ZNF644: variants seen among roughly 807,000 people sequenced by gnomAD.
ZNF644 encodes zinc finger motif enhancer binding protein 2.
In ZNF644, 20 loss-of-function variants were observed where a neutral mutation model predicts 108.0. The observed-to-expected ratio is 0.19, with a 90% CI of 0.13 to 0.27. ZNF644 has a LOEUF of 0.27. ZNF644 is among the 10% of genes least tolerant of loss of function. ZNF644 has a pLI of 1.00. For missense variants in ZNF644, 1,338 were observed against 1,548.9 expected, an observed-to-expected ratio of 0.86 and a Z score of 2.29; for synonymous variants, 542 against 539.1, an observed-to-expected ratio of 1.01 and a Z score of -0.08.
intron 1 of ZNF644, among the ~76,000 whole-genome samples, chr1:91,003,008 A>G (rs1457991862): frequency 5.9e-5 from 9 of 152,144 alleles, no homozygotes; most frequent in East Asian, 3.9e-4. Context: ...TTAGAATGGC[A>G]ATCATTAAAA....
intron 2 of ZNF644, among the ~76,000 whole-genome samples, chr1:90,974,940 A>T (rs749777558): frequency 1.3e-5 from 2 of 152,106 alleles, no homozygotes; most frequent in Non-Finnish European, 2.9e-5. Context: ...TACATTCAAA[A>T]CTTACATTTA....
intron 4 of ZNF644, among the ~76,000 whole-genome samples, chr1:90,924,056 T>C (rs914033423): frequency 2.0e-5 from 3 of 152,146 alleles, no homozygotes; most frequent in Non-Finnish European, 2.9e-5. Flanking sequence ...GTATTCTCTA[T>C]GTAAATAAAG....
intron 4 of ZNF644, among the ~76,000 whole-genome samples, chr1:90,920,359 G>C (rs866483553): frequency 6.6e-6 from 1 of 152,024 alleles, no homozygotes; most frequent in Non-Finnish European, 1.5e-5. Context: ...TTTGTTCACA[G>C]AATGTTAATG....
chr1:90,981,849 T>C (rs903151019), intron 2 of ZNF644, among the ~76,000 whole-genome samples: 5 of 152,168 alleles, frequency 3.3e-5, no homozygotes, highest in Non-Finnish European at 7.4e-5. Context: ...AAATCACAAT[T>C]TGGCAAATTT....
chr1:90,927,717 G>A (rs926268975), intron 4 of ZNF644, among the ~76,000 whole-genome samples: 20 of 152,060 alleles, frequency 1.3e-4, no homozygotes, highest in Admixed American at 5.9e-4. Context: ...GAAATATAAA[G>A]ACCCATCTTT....
chr1:91,001,777 T>C (rs1658861326), intron 1 of ZNF644, among the ~76,000 whole-genome samples: 2 of 152,140 alleles, frequency 1.3e-5, no homozygotes, highest in African/African-American at 4.8e-5. Context: ...GATTGTATAT[T>C]TAGAAAACCT....
At chr1:91,013,732 G>T (rs1006662697) in intron 1 of ZNF644, among the ~76,000 whole-genome samples, 3 of 152,114 alleles carry the variant, frequency 2.0e-5, no homozygotes, top group Admixed American at 1.3e-4. Context: ...GTAACTTCAT[G>T]TGGCTACTGA....
intron 4 of ZNF644, among the ~76,000 whole-genome samples, chr1:90,936,311 G>A (rs1341998866): frequency 6.6e-6 from 1 of 152,096 alleles, no homozygotes; most frequent in South Asian, 2.1e-4. Context: ...CATCTCTGAA[G>A]TATACTACCC....
chr1:90,947,425 A>T (rs1244015400), intron 2 of ZNF644, among the ~76,000 whole-genome samples: 1 of 152,206 alleles, frequency 6.6e-6, no homozygotes, highest in Non-Finnish European at 1.5e-5. Flanking sequence ...TCACTATAAA[A>T]CATATCTGTT....
chr1:90,934,609 G>A (rs1204883292), intron 4 of ZNF644, among the ~76,000 whole-genome samples: 1 of 152,188 alleles, frequency 6.6e-6, no homozygotes, highest in Non-Finnish European at 1.5e-5. Flanking sequence ...AATTTTCACA[G>A]ATGAGCAGTA....
At chr1:90,980,798 G>A (rs923713480) in intron 2 of ZNF644, among the ~76,000 whole-genome samples, 4 of 152,104 alleles carry the variant, frequency 2.6e-5, no homozygotes, top group African/African-American at 9.7e-5. Context: ...GATTACTTCA[G>A]GGGAAAAGGC....
Position 90,982,317 on chromosome 1 carries a change from T to G in ZNF644, c.37A>C (p.Lys13Gln), listed in dbSNP as rs1316329439. Residue 13 changes from lysine (K) to glutamine (Q), a missense_variant, in exon 2 of 6, where the codon AAA becomes CAA. Physicochemically the swap from Lys to Gln is moderately conservative, Grantham distance 53 (BLOSUM62 1). This residue lies in a region of ZNF644 where 464 missense variants were observed against 457.9 expected (regional missense o/e 1.01). Transcript: ENST00000337393. Reference sequence around the variant, plus strand: ...AAGCAGTCTTCTACTTACCTAGATTTTGTCTTATTAACATCTTGCTGCAAG... The same window carrying G: ...AAGCAGTCTTCTACTTACCTAGATTGTGTCTTATTAACATCTTGCTGCAAG... ...SFLQQDVNKT[K>Q]SRLNVLNGLA... is the part of the protein sequence containing the mutation. The G allele has an allele frequency of 6.2e-7, 1 of 1,610,016 alleles. No individual in the cohort carries two copies. Among genetic ancestry groups the G allele is most frequent in the Non-Finnish European group, 8.5e-7 (1 of 1,178,626 alleles).
chr1:90,965,543 C>T (rs988675790), intron 2 of ZNF644, among the ~76,000 whole-genome samples: 1 of 152,074 alleles, frequency 6.6e-6, no homozygotes, highest in Admixed American at 6.5e-5. Flanking sequence ...TAATTCAACC[C>T]TTAACACTAC....
Position 91,011,580 on chromosome 1 carries a change from GA to G in ZNF644, c.-18+10409del, listed in dbSNP as rs542796905. 6.9e-3 allele frequency among the ~76,000 whole-genome samples: 1,053 copies of G among 152,036 alleles called. 15 individuals are homozygous for G. The highest frequency in any genetic ancestry group is 0.024 in the African/African-American group (981 of 41,472). On this transcript the variant is annotated intron_variant, in intron 1 of 5. Transcript: ENST00000337393. ...CTACAACTATTAATTCCATTTGGGG[GA>G]AAAAAACTGATTCAAGCACTAAAAG...
chr1:90,917,238 C>T (rs1648877655), intron 5 of ZNF644, among the ~76,000 whole-genome samples: 1 of 152,184 alleles, frequency 6.6e-6, no homozygotes, highest in African/African-American at 2.4e-5. Flanking sequence ...AACATCTACA[C>T]ATCTTAATTC....
At chr1:90,996,230 A>C (rs998145499) in intron 1 of ZNF644, among the ~76,000 whole-genome samples, 1 of 152,250 alleles carries the variant, frequency 6.6e-6, no homozygotes, top group African/African-American at 2.4e-5. Context: ...AAATAATTTA[A>C]AACTCCCAAA....
At chr1:91,005,969 T>C (rs1659383377) in intron 1 of ZNF644, among the ~76,000 whole-genome samples, 1 of 151,936 alleles carries the variant, frequency 6.6e-6, no homozygotes. Context: ...ACCCAAAAGT[T>C]GGTTCTTTGA....
intron 2 of ZNF644, among the ~76,000 whole-genome samples, chr1:90,953,052 C>G (rs1653355737): frequency 1.3e-5 from 2 of 148,416 alleles, no homozygotes. Context: ...TGTCCAAGAG[C>G]TAATCTCATG....
chr1:90,949,833 G>C (rs768403747), intron 2 of ZNF644, among the ~76,000 whole-genome samples: 2 of 152,124 alleles, frequency 1.3e-5, no homozygotes, highest in Non-Finnish European at 2.9e-5. Context: ...TGGATATCCA[G>C]GGTTGAATGT....
Sources: allele counts gnomAD v4.1 joint callset (sites outside exome capture counted in the v4.1 genomes callset), GRCh38; gene constraint gnomAD v4.1.1; regional missense constraint gnomAD v4.1.1; transcripts MANE v1.5; gene names NCBI Gene and HGNC (gene_info 2026-07-23, HGNC 2026-07-21).